The following PECAM1 variants were observed in gnomAD, a reference collection of about 807,000 sequenced individuals.
PECAM1 encodes platelet endothelial cell adhesion molecule.
A neutral mutation model predicts 13.8 loss-of-function variants in PECAM1; 8 were observed. The observed-to-expected ratio is 0.58, with a 90% CI of 0.34 to 1.05. The LOEUF is 1.05. Among genes scored for constraint, PECAM1 ranks in the 50% least tolerant of loss-of-function variants. The pLI, the probability that PECAM1 is intolerant of heterozygous loss-of-function variation, is 0.03. For missense variants in PECAM1, 304 were observed against 141.2 expected (o/e 2.15, Z -5.84); for synonymous variants, 136 against 52.6 (o/e 2.58, Z -6.86).
At chr17:64,344,385 G>T (rs1258550004) in intron 13 of PECAM1, among the ~76,000 whole-genome samples, 1 of 152,064 alleles carries the variant, frequency 6.6e-6, no homozygotes, top group Non-Finnish European at 1.5e-5. Context: ...TTTCCGGATG[G>T]GGCTTTATTT....
chr17:64,342,584 T>C (rs2035461604), intron 13 of PECAM1, among the ~76,000 whole-genome samples: 1 of 151,898 alleles, frequency 6.6e-6, no homozygotes, highest in South Asian at 2.1e-4. Flanking sequence ...CAGCTTCTGG[T>C]TGGATTGGTC....
intron 14 of PECAM1, among the ~76,000 whole-genome samples, chr17:64,339,238 T>A (rs1185055746): frequency 6.6e-6 from 1 of 152,010 alleles, no homozygotes; most frequent in Non-Finnish European, 1.5e-5. Context: ...ACCTCAGTGA[T>A]CAAGAGCGTG....
At chr17:64,385,566 C>G (rs1371418871) in intron 2 of PECAM1, among the ~76,000 whole-genome samples, 2 of 5,698 alleles carry the variant, frequency 3.5e-4, no homozygotes, top group African/African-American at 3.8e-4. Flanking sequence ...AGTTCAAGTT[C>G]CCATCCAATG....
chr17:64,334,715 G>A, intron 14 of PECAM1, among the ~76,000 whole-genome samples: 1 of 152,068 alleles, frequency 6.6e-6, no homozygotes, highest in Non-Finnish European at 1.5e-5. Context: ...CACCGTGTTA[G>A]CCAGGATGGT....
intron 11 of PECAM1, among the ~76,000 whole-genome samples, chr17:64,350,871 G>GTTTC (rs1388250361): frequency 4.6e-5 from 7 of 151,328 alleles, no homozygotes; most frequent in Non-Finnish European, 7.4e-5. Context: ...CCTGAATATA[G>GTTTC]TTTCTTTCTT....
intron 5 of PECAM1, among the ~76,000 whole-genome samples, chr17:64,365,373 A>T (rs1194844338): frequency 1.3e-5 from 2 of 152,080 alleles, no homozygotes; most frequent in African/African-American, 4.8e-5. Context: ...GGAAGAATCA[A>T]TATCGTGAAA....
Position 64,377,868 on chromosome 17 carries a change from T to G in PECAM1, c.341A>C (p.Asn114Thr), listed in dbSNP as rs1411347268. The change falls in exon 3 of 16, where the codon AAC (asparagine) becomes ACC (threonine). Residue 114 changes from asparagine (N) to threonine (T), a missense_variant. Asn to Thr is a moderately conservative substitution (Grantham distance 65). Coordinates refer to ENST00000563924, the MANE Select transcript of PECAM1 (RefSeq NM_000442.5). ...CTCTGCAGTGGTTTTCTCTTTGTTGTTCACAATCACAGTACATTTATATGT... is the reference window on the plus strand; with the variant it reads ...CTCTGCAGTGGTTTTCTCTTTGTTGGTCACAATCACAGTACATTTATATGT... Reference protein sequence around the residue: ...SGTYKCTVIVNNKEKTTAEYQ... With the variant: ...SGTYKCTVIVTNKEKTTAEYQ... 1 of 475,186 alleles carries G rather than the reference T, an allele frequency of 2.1e-6. No homozygotes were observed. The highest frequency in any genetic ancestry group is 3.9e-6 in the Non-Finnish European group (1 of 259,066). The allele number at this position is 475,186 out of a possible 1,614,324, so 29.4% of individuals were successfully genotyped here.
chr17:64,331,206 T>A (rs1179690124), intron 14 of PECAM1, among the ~76,000 whole-genome samples: 3 of 151,820 alleles, frequency 2.0e-5, no homozygotes, highest in Non-Finnish European at 4.4e-5. Context: ...CTTCTTTTTT[T>A]TTTTTTTTGA....
At chr17:64,369,232 C>A (rs1338006951) in intron 5 of PECAM1, among the ~76,000 whole-genome samples, 9 of 152,080 alleles carry the variant, frequency 5.9e-5, no homozygotes, top group African/African-American at 2.2e-4. Context: ...CCATGCCCAG[C>A]CATGTTATCA....
chr17:64,362,837 CAA>C (rs1196660765), intron 6 of PECAM1, among the ~76,000 whole-genome samples: 116,307 of 143,480 alleles, frequency 0.81, 51,929 homozygotes, highest in East Asian at 1. Flanking sequence ...CGACACGTCT[CAA>C]AAAAAAAAAA....
rs1278037759 is a variant in PECAM1 at position 64,345,849 on chromosome 17, T to C, written c.2107+2411A>G. Among the ~76,000 whole-genome samples, 211 of 151,024 alleles carry C rather than the reference T, an allele frequency of 1.4e-3. 1 individual carries two copies. Among genetic ancestry groups the C allele is most frequent in the Non-Finnish European group, 4.0e-4 (27 of 67,706 alleles). ...CAACCCCCGGGGGCCATTCTGTTGG[T>C]AGGCTATGGGAATGTGCCCCAGTGG... On this transcript the variant is annotated intron_variant, in intron 13 of 15. Transcript: ENST00000563924.
chr17:64,329,809 C>A, intron 14 of PECAM1, 87 bp from the exon 15 acceptor site: 1 of 724,636 alleles, frequency 1.4e-6, no homozygotes, highest in South Asian at 1.5e-5. Context: ...AGGAGCAGGT[C>A]GAGAAAAGAG....
At chr17:64,329,334 A>T (rs2070784) in intron 15 of PECAM1, among the ~76,000 whole-genome samples, 83,257 of 151,796 alleles carry the variant, frequency 0.55, 22,913 homozygotes, top group East Asian at 0.69. Flanking sequence ...GGGTAATTAG[A>T]ATCGGCTAAA....
intron 14 of PECAM1, among the ~76,000 whole-genome samples, chr17:64,333,070 T>C (rs376840230): frequency 2.6e-5 from 4 of 152,312 alleles, no homozygotes; most frequent in African/African-American, 9.6e-5. Context: ...TGAGAATCAC[T>C]TGGACCCAGG....
In PECAM1 at chr17:64,334,632, C is replaced by T. The variant is rs894660086; in HGVS notation, c.2165-4910G>A. ...CACACCATTCTCCTGCCTCAGCCTC[C>T]CATGTAGCTGGACTACAGGCGCCCG... On this transcript the variant is annotated intron_variant, in intron 14 of 15. Coordinates refer to ENST00000563924, the MANE Select transcript of PECAM1 (RefSeq NM_000442.5). Among the ~76,000 whole-genome samples the T allele has an allele frequency of 2.4e-4, 37 of 152,208 alleles. 1 individual carries two copies. Among genetic ancestry groups the T allele is most frequent in the African/African-American group, 8.7e-4 (36 of 41,520 alleles).
chr17:64,363,218 T>A lies in PECAM1; in HGVS notation c.1147A>T (p.Thr383Ser). ...TKIASKSDSG[T>S]YICTAGIDKV... ...TCAATACCTGCAGTGCAGATATACGTCCCACTGTCCGACTTTGAGGCTATC... is the reference window on the plus strand; with the variant it reads ...TCAATACCTGCAGTGCAGATATACGACCCACTGTCCGACTTTGAGGCTATC... The change falls in exon 6 of 16, where the codon ACG becomes TCG. Residue 383 changes from threonine (T) to serine (S), a missense_variant. By Grantham distance (58) the Thr-to-Ser change is moderately conservative (BLOSUM62 1). Coordinates refer to ENST00000563924, the MANE Select transcript of PECAM1 (RefSeq NM_000442.5). 2.1e-6 allele frequency: 1 copy of A among 475,382 alleles called. No homozygotes were observed. The highest frequency in any genetic ancestry group is 3.9e-6 in the Non-Finnish European group (1 of 259,056). 29.4% of individuals were successfully genotyped at this position (475,382 alleles called of 1,614,324 possible).
chr17:64,328,957 G>A (rs781892351), intron 15 of PECAM1, among the ~76,000 whole-genome samples: 2 of 152,132 alleles, frequency 1.3e-5, no homozygotes, highest in Admixed American at 6.6e-5. Context: ...ACAGAATGAA[G>A]CTTCTTAACA....
chr17:64,326,650 G>A (rs1487846100), intron 15 of PECAM1, among the ~76,000 whole-genome samples: 1 of 152,200 alleles, frequency 6.6e-6, no homozygotes, highest in Non-Finnish European at 1.5e-5. Flanking sequence ...CTCTGTGGGG[G>A]CAGCCAATGC....
At chr17:64,379,938 T>A (rs2036444888) in intron 2 of PECAM1, among the ~76,000 whole-genome samples, 1 of 150,970 alleles carries the variant, frequency 6.6e-6, no homozygotes, top group South Asian at 2.1e-4. Flanking sequence ...GGTGGGAGGA[T>A]CACCTGAGCC....
Sources: allele counts gnomAD v4.1 joint callset (sites outside exome capture counted in the v4.1 genomes callset), GRCh38; gene constraint gnomAD v4.1.1; transcripts MANE v1.5; gene names NCBI Gene and HGNC (gene_info 2026-07-23, HGNC 2026-07-21).